PCCA: variants seen among roughly 807,000 people sequenced by gnomAD.
The protein encoded by PCCA is propionyl-CoA carboxylase alpha chain, mitochondrial.
Under a neutral mutation model 101.3 loss-of-function variants are expected in PCCA, and 74 were observed. That is an observed-to-expected ratio of 0.73 (90% confidence interval 0.61 to 0.89). The LOEUF (loss-of-function observed/expected upper bound fraction) is 0.89, where lower values mean the gene tolerates loss of function less well. Among genes scored for constraint, PCCA ranks in the 40% least tolerant of loss-of-function variants. PCCA has a pLI of 0.00. For missense variants in PCCA, 891 were observed against 907.0 expected (o/e 0.98, Z 0.23); for synonymous variants, 294 against 313.6 (o/e 0.94, Z 0.66).
At chr13:100,298,517 G>T (rs2065742161) in intron 12 of PCCA, among the ~76,000 whole-genome samples, 1 of 151,384 alleles carries the variant, frequency 6.6e-6, no homozygotes, top group East Asian at 1.9e-4. Flanking sequence ...TGAACTTGTT[G>T]GTTTACCAGA....
rs530945778 is a variant in PCCA at position 100,449,262 on chromosome 13, G to A, written c.1856G>A (p.Arg619Gln). The A allele has an allele frequency of 9.1e-6, 14 of 1,538,470 alleles. No individual in the cohort carries two copies. Among genetic ancestry groups the A allele is most frequent in the Non-Finnish European group, 1.2e-5 (14 of 1,135,618 alleles). Residue 619 changes from arginine (R) to glutamine (Q), a missense_variant, in exon 21 of 24, where the codon CGA (arginine) becomes CAA (glutamine). Physicochemically the swap from Arg to Gln is conservative, Grantham distance 43. Coordinates refer to ENST00000376285, the MANE Select transcript of PCCA (RefSeq NM_000282.4). ...TTGTTTGTTTTTTAGTGTCTTTCTCGAGAAGCAGGTGGAAACATGAGCATT... is the reference window on the plus strand; with the variant it reads ...TTGTTTGTTTTTTAGTGTCTTTCTCAAGAAGCAGGTGGAAACATGAGCATT... The part of the protein sequence containing the change: ...GTQRTVQCLS[R>Q]EAGGNMSIQF...
At chr13:100,240,634 A>C (rs1365903535) in intron 8 of PCCA, among the ~76,000 whole-genome samples, 1 of 152,144 alleles carries the variant, frequency 6.6e-6, no homozygotes, top group Non-Finnish European at 1.5e-5. Flanking sequence ...GAAAAATTTC[A>C]ATCATACGGC....
intron 20 of PCCA, among the ~76,000 whole-genome samples, chr13:100,446,393 A>G (rs2080835900): frequency 6.6e-6 from 1 of 152,200 alleles, no homozygotes; most frequent in Non-Finnish European, 1.5e-5. Context: ...CTTCCTTATT[A>G]ACCTTTCTGC....
intron 20 of PCCA, among the ~76,000 whole-genome samples, chr13:100,442,454 G>C (rs1014548477): frequency 6.6e-6 from 1 of 152,178 alleles, no homozygotes; most frequent in African/African-American, 2.4e-5. Context: ...GATACAGTTT[G>C]TTTTTAATGT....
chr13:100,227,940 C>T lies in PCCA; in HGVS notation c.601-7902C>T, dbSNP rs377265623. ...GAAAATAAAACTATTCTAAAGACTT[C>T]AAATGAAAAATTTTTAAGGGAAAAT... On this transcript the variant is annotated intron_variant, in intron 7 of 23. Transcript: ENST00000376285. 1.4e-4 allele frequency among the ~76,000 whole-genome samples: 22 copies of T among 152,206 alleles called. No homozygotes were observed. In the South Asian group the frequency reaches 4.4e-3, roughly 30 times the overall value.
intron 7 of PCCA, among the ~76,000 whole-genome samples, chr13:100,234,578 A>AT (rs2060672818): frequency 2.0e-5 from 3 of 151,902 alleles, no homozygotes; most frequent in Admixed American, 2.0e-4. Context: ...AGGAAATTAA[A>AT]TTTTTCTGAC....
chr13:100,181,547 T>C (rs1046413316), intron 6 of PCCA, among the ~76,000 whole-genome samples: 1 of 152,088 alleles, frequency 6.6e-6, no homozygotes, highest in African/African-American at 2.4e-5. Flanking sequence ...CGTAGCCTCC[T>C]GAGTAACTGG....
intron 19 of PCCA, among the ~76,000 whole-genome samples, chr13:100,371,925 G>A (rs2075598639): frequency 6.6e-6 from 1 of 152,170 alleles, no homozygotes; most frequent in South Asian, 2.1e-4. Flanking sequence ...AAAATATTCA[G>A]TGGAGAAAAG....
At chr13:100,117,432 AT>A (rs36122017) in intron 4 of PCCA, among the ~76,000 whole-genome samples, 75,299 of 145,442 alleles carry the variant, frequency 0.52, 19,969 homozygotes, top group Middle Eastern at 0.75. Flanking sequence ...GTGTGTGTGC[AT>A]TTTTTTTTTT....
rs770270409 is a variant in PCCA at position 100,302,934 on chromosome 13, A to G, written c.1220A>G (p.Lys407Arg). 4 of 1,596,150 alleles carry G rather than the reference A, an allele frequency of 2.5e-6. No homozygotes were observed. Among genetic ancestry groups the G allele is most frequent in the African/African-American group, 2.7e-5 (2 of 74,560 alleles). ...CCTTTGAACTTTCAGGACCCCTACA[A>G]GTCTTTTGGTTTACCATCTATTGGG... is the stretch of plus-strand genomic sequence containing the variant. ...ECRVYAEDPY[K>R]SFGLPSIGRL... Residue 407 changes from lysine to arginine, a missense_variant, in exon 14 of 24, where the codon AAG (lysine) becomes AGG (arginine). Coordinates refer to ENST00000376285, the MANE Select transcript of PCCA (RefSeq NM_000282.4).
In PCCA at chr13:100,515,500, CA is replaced by C; in HGVS notation, c.1975del (p.Ser659AlafsTer23). The C allele has an allele frequency of 6.2e-7, 1 of 1,614,162 alleles. No individual in the cohort carries two copies. The highest frequency in any genetic ancestry group is 8.5e-7 in the Non-Finnish European group (1 of 1,179,992). ...KFMLEKVTED[T>X]SSVLRSPMPG... ...ATGCTGGAAAAAGTGACTGAGGACA[CA>C]AGCAGTGTTCTGCGTTCCCCGATGC... On this transcript the variant is annotated frameshift_variant, in exon 22 of 24. Transcript: ENST00000376285. LOFTEE classifies it high-confidence loss of function.
intron 20 of PCCA, among the ~76,000 whole-genome samples, chr13:100,448,638 CAA>C (rs754543861): frequency 4.6e-5 from 7 of 152,070 alleles, no homozygotes; most frequent in Non-Finnish European, 7.4e-5. Context: ...AAAATTCAAA[CAA>C]GATATATGCA....
chr13:100,261,450 C>CT (rs1451628105), intron 9 of PCCA, among the ~76,000 whole-genome samples: 1 of 151,936 alleles, frequency 6.6e-6, no homozygotes, highest in Non-Finnish European at 1.5e-5. Context: ...ACCGTAGCCT[C>CT]TGCTTCCCAG....
At chr13:100,097,730 A>C (rs1254086474) in intron 1 of PCCA, among the ~76,000 whole-genome samples, 1 of 152,104 alleles carries the variant, frequency 6.6e-6, no homozygotes, top group Admixed American at 6.5e-5. Context: ...AAAACAAACA[A>C]ACACAAATCT....
At chr13:100,201,591 G>C (rs765992323) in intron 6 of PCCA, among the ~76,000 whole-genome samples, 27 of 152,106 alleles carry the variant, frequency 1.8e-4, no homozygotes, top group Non-Finnish European at 2.4e-4. Flanking sequence ...AGGTGTGGTG[G>C]CTGTCACCTG....
chr13:100,252,889 C>T lies in PCCA; in HGVS notation c.638-4706C>T, dbSNP rs1294483737. 2.0e-5 allele frequency among the ~76,000 whole-genome samples: 3 copies of T among 152,296 alleles called. No individual in the cohort carries two copies. The East Asian group carries it at 5.8e-4, about 29-fold the overall frequency. ...CTTTCACCATTCATTCATTGCACAG[C>T]AGCCAAAGTGATCTTTTAAAATGCT... On this transcript the variant is annotated intron_variant, in intron 8 of 23. Transcript: ENST00000376285.
intron 4 of PCCA, among the ~76,000 whole-genome samples, chr13:100,117,466 A>G (rs534351611): frequency 6.6e-6 from 1 of 151,662 alleles, no homozygotes; most frequent in African/African-American, 2.4e-5. Flanking sequence ...ATTTGAAAAT[A>G]AGTTACAGGA....
At chr13:100,210,245 T>A (rs1397471211) in intron 7 of PCCA, among the ~76,000 whole-genome samples, 1 of 152,244 alleles carries the variant, frequency 6.6e-6, no homozygotes, top group Non-Finnish European at 1.5e-5. Flanking sequence ...TCCCAAGTGT[T>A]GGGATTACAG....
chr13:100,456,388 G>C (rs1188511856), intron 21 of PCCA, among the ~76,000 whole-genome samples: 1 of 152,204 alleles, frequency 6.6e-6, no homozygotes, highest in African/African-American at 2.4e-5. Flanking sequence ...AGGCCTTTGG[G>C]GCTTAGCGGG....
Sources: gnomAD v4.1 joint callset for allele counts (sites outside exome capture counted in the v4.1 genomes callset) on GRCh38, gnomAD v4.1.1 for gene constraint, MANE v1.5 for transcripts, NCBI Gene and HGNC (gene_info 2026-07-23, HGNC 2026-07-21) for gene names.